KCND2: variants seen among roughly 807,000 people sequenced by gnomAD.
KCND2 encodes potassium voltage-gated channel subfamily D member 2.
A neutral mutation model predicts 54.4 loss-of-function variants in KCND2; 16 were observed. The observed-to-expected ratio is 0.29, with a 90% CI of 0.20 to 0.45. The LOEUF is 0.45. Ranked by LOEUF, KCND2 falls within the 20% of genes least tolerant of loss-of-function variation. The pLI, the probability that KCND2 is intolerant of heterozygous loss-of-function variation, is 1.00. For missense variants in KCND2, 486 were observed against 824.2 expected (o/e 0.59, Z 5.02); for synonymous variants, 317 against 310.7 (o/e 1.02, Z -0.21).
At chr7:120,450,239 G>A (rs936762769) in intron 1 of KCND2, among the ~76,000 whole-genome samples, 14 of 152,028 alleles carry the variant, frequency 9.2e-5, no homozygotes, top group Non-Finnish European at 1.6e-4. Context: ...GTGAAACCCC[G>A]TCTTTACTAA....
intron 1 of KCND2, among the ~76,000 whole-genome samples, chr7:120,470,738 A>G (rs553889884): frequency 2.0e-5 from 3 of 152,206 alleles, no homozygotes; most frequent in Non-Finnish European, 4.4e-5. Flanking sequence ...ATTATTGTAT[A>G]TAAGGAGGGA....
intron 1 of KCND2, 42 bp from the exon 2 acceptor site, chr7:120,732,861 T>C (rs189454123): frequency 1.3e-5 from 20 of 1,542,096 alleles, no homozygotes; most frequent in Non-Finnish European, 1.6e-5. Flanking sequence ...AATGTCTTTC[T>C]GTGACTTAAA....
chr7:120,339,778 G>T (rs1348604486), intron 1 of KCND2, among the ~76,000 whole-genome samples: 2 of 152,076 alleles, frequency 1.3e-5, no homozygotes, highest in African/African-American at 4.8e-5. Context: ...AAGGGAAGGG[G>T]ATCAGGTTGC....
chr7:120,616,308 A>C (rs1474150959), intron 1 of KCND2, among the ~76,000 whole-genome samples: 1 of 152,212 alleles, frequency 6.6e-6, no homozygotes, highest in Non-Finnish European at 1.5e-5. Flanking sequence ...TAACAACTCA[A>C]AAAGGCTGTT....
chr7:120,336,300 C>T (rs1253718549), intron 1 of KCND2, among the ~76,000 whole-genome samples: 3 of 152,150 alleles, frequency 2.0e-5, no homozygotes, highest in African/African-American at 7.2e-5. Context: ...TTGGGATTTT[C>T]TGAAGATTGT....
intron 1 of KCND2, among the ~76,000 whole-genome samples, chr7:120,632,360 A>C (rs1255110810): frequency 1.3e-5 from 2 of 152,170 alleles, no homozygotes; most frequent in Non-Finnish European, 2.9e-5. Context: ...TGAGAAATTG[A>C]AAGTAGTTTA....
chr7:120,694,832 T>C (rs1251205241), intron 1 of KCND2, among the ~76,000 whole-genome samples: 2 of 152,180 alleles, frequency 1.3e-5, no homozygotes, highest in Non-Finnish European at 2.9e-5. Context: ...AATCCAGCCA[T>C]GTTTTATTAT....
intron 2 of KCND2, among the ~76,000 whole-genome samples, chr7:120,734,023 A>G (rs1792841122): frequency 6.6e-6 from 1 of 152,142 alleles, no homozygotes; most frequent in South Asian, 2.1e-4. Flanking sequence ...AGAACAACTC[A>G]TGAATTGGGC....
At chr7:120,473,244 A>G (rs1473740195) in intron 1 of KCND2, among the ~76,000 whole-genome samples, 1 of 152,224 alleles carries the variant, frequency 6.6e-6, no homozygotes, top group African/African-American at 2.4e-5. Flanking sequence ...AATATTCACT[A>G]TGTTAGATAT....
intron 1 of KCND2, among the ~76,000 whole-genome samples, chr7:120,548,722 C>G (rs1215949165): frequency 6.6e-6 from 1 of 152,140 alleles, no homozygotes; most frequent in African/African-American, 2.4e-5. Flanking sequence ...TTATCAGATT[C>G]AATCACCTTA....
chr7:120,274,489 C>T lies in KCND2; in HGVS notation c.-144C>T. 1 of 874,678 alleles carries T rather than the reference C, an allele frequency of 1.1e-6. No homozygotes were observed. The highest frequency in any genetic ancestry group is 1.9e-6 in the Non-Finnish European group (1 of 529,746). 54.2% of individuals were successfully genotyped at this position (874,678 alleles called of 1,614,324 possible). On this transcript the variant is annotated 5_prime_UTR_variant, in exon 1 of 6. Coordinates refer to ENST00000331113, the MANE Select transcript of KCND2 (RefSeq NM_012281.3). ...CTGAGAACTGTGACTTTACCAGGAGCCCTATCTTGGAATAAGAGTTACACC... is the reference window on the plus strand; with the variant it reads ...CTGAGAACTGTGACTTTACCAGGAGTCCTATCTTGGAATAAGAGTTACACC...
chr7:120,594,730 C>G (rs10277086), intron 1 of KCND2, among the ~76,000 whole-genome samples: 14,913 of 152,126 alleles, frequency 0.098, 1,031 homozygotes, highest in African/African-American at 0.21. Context: ...GCATTCATTA[C>G]GAGACTGGAA....
At chr7:120,583,821 T>C (rs1792552803) in intron 1 of KCND2, among the ~76,000 whole-genome samples, 1 of 150,692 alleles carries the variant, frequency 6.6e-6, no homozygotes, top group Non-Finnish European at 1.5e-5. Flanking sequence ...AAAATTTAAG[T>C]AGCAAAGTAA....
chr7:120,659,950 A>T lies in KCND2; in HGVS notation c.1116-72953A>T, dbSNP rs181655246. On this transcript the variant is annotated intron_variant, in intron 1 of 5. Coordinates refer to ENST00000331113, the MANE Select transcript of KCND2 (RefSeq NM_012281.3). The stretch of plus-strand genomic sequence containing the variant: ...AATTAAGGAAAATATAGCAGGAAAG[A>T]TTACTTTTAGATTTTCTAGTTGCTG... 1.9e-3 allele frequency among the ~76,000 whole-genome samples: 291 copies of T among 152,240 alleles called. 1 individual carries two copies. The highest frequency in any genetic ancestry group is 6.6e-3 in the African/African-American group (274 of 41,548).
intron 1 of KCND2, among the ~76,000 whole-genome samples, chr7:120,550,543 A>G (rs1262580761): frequency 6.6e-6 from 1 of 152,168 alleles, no homozygotes; most frequent in Non-Finnish European, 1.5e-5. Context: ...AAATTTTTCT[A>G]AATAGTGCTT....
intron 1 of KCND2, among the ~76,000 whole-genome samples, chr7:120,497,033 A>C (rs1562855434): frequency 6.6e-6 from 1 of 152,208 alleles, no homozygotes; most frequent in African/African-American, 2.4e-5. Flanking sequence ...TAAGATAAAG[A>C]TAATTTACAA....
At chr7:120,273,069 G>A (rs1799100787), upstream of KCND2, among the ~76,000 whole-genome samples, 1 of 152,104 alleles carries the variant, frequency 6.6e-6, no homozygotes, top group Non-Finnish European at 1.5e-5. Flanking sequence ...CTCCCTCGGT[G>A]ACATTTTGCG....
At chr7:120,744,409 T>C (rs1280762794) in intron 4 of KCND2, among the ~76,000 whole-genome samples, 1 of 152,162 alleles carries the variant, frequency 6.6e-6, no homozygotes, top group Admixed American at 6.6e-5. Flanking sequence ...TAGTAACTAA[T>C]AACAGAATGA....
intron 1 of KCND2, among the ~76,000 whole-genome samples, chr7:120,309,476 C>CATATATATATATATATATATATAT: frequency 1.3e-5 from 1 of 78,772 alleles, no homozygotes; most frequent in East Asian, 6.3e-4. Context: ...TATATATATA[C>CATATATATATATATATATATATAT]ACACACACAC....
Sources: allele counts gnomAD v4.1 joint callset (sites outside exome capture counted in the v4.1 genomes callset), GRCh38; gene constraint gnomAD v4.1.1; transcripts MANE v1.5; gene names NCBI Gene and HGNC (gene_info 2026-07-23, HGNC 2026-07-21).